The following CDK13 variants were observed in gnomAD, a reference collection of about 807,000 sequenced individuals.
The protein encoded by CDK13 is cyclin-dependent kinase 13.
CDK13 carries 40 observed loss-of-function variants against 137.6 expected under a neutral mutation model. That is an observed-to-expected ratio of 0.29 (90% CI 0.23 to 0.38). CDK13 has a LOEUF of 0.38. CDK13 is among the 10% of genes least tolerant of loss of function. The pLI is 1.00. For missense variants in CDK13, 1,704 were observed against 1,951.8 expected (o/e 0.87, Z 2.39); for synonymous variants, 869 against 760.1 (o/e 1.14, Z -2.36).
chr7:40,089,020 A>G (rs1008818733), intron 12 of CDK13, among the ~76,000 whole-genome samples: 15 of 151,828 alleles, frequency 9.9e-5, no homozygotes, highest in Non-Finnish European at 1.2e-4. Flanking sequence ...TGGAGGTTGC[A>G]GTGAGCCGAG....
At chr7:40,013,693 T>C (rs553354998) in intron 5 of CDK13, among the ~76,000 whole-genome samples, 18 of 152,292 alleles carry the variant, frequency 1.2e-4, no homozygotes, top group African/African-American at 4.1e-4. Flanking sequence ...ATTGTAGTGA[T>C]GATGGTTGCA....
chr7:40,017,006 A>G (rs1320654110), intron 5 of CDK13, among the ~76,000 whole-genome samples: 1 of 152,138 alleles, frequency 6.6e-6, no homozygotes, highest in Non-Finnish European at 1.5e-5. Flanking sequence ...ACGTTTTTTC[A>G]GTTTCCACAA....
rs60763897 is a variant in CDK13 at position 40,097,950 on chromosome 7, C to T, written c.*2970C>T. ...CTAGTCCTTGGGGTACATCAATAAC[C>T]GTCAACAGTGTTAAATCATACTTTC... On this transcript the variant is annotated 3_prime_UTR_variant, in exon 14 of 14. Transcript: ENST00000181839. 457 of 152,188 alleles carry T rather than the reference C, an allele frequency of 3.0e-3. 3 individuals carry two copies. Among genetic ancestry groups the T allele is most frequent in the African/African-American group, 0.01 (431 of 41,548 alleles). The allele number at this position is 152,188 out of a possible 1,614,324, so 9.4% of individuals were successfully genotyped here.
intron 1 of CDK13, among the ~76,000 whole-genome samples, chr7:39,961,699 A>G (rs1417023185): frequency 6.6e-6 from 1 of 151,352 alleles, no homozygotes; most frequent in Non-Finnish European, 1.5e-5. Context: ...GGTTAGTTAC[A>G]TATGTATACA....
Position 39,950,382 on chromosome 7 carries a change from A to G in CDK13, c.-260A>G. ...GGCGCATCTGGTGTTTTCGCTGCCG[A>G]GGATAGGACGACGAGCGCAATCGGG... On this transcript the variant is annotated 5_prime_UTR_variant, in exon 1 of 14. Transcript: ENST00000181839. 8.2e-7 allele frequency: 1 copy of G among 1,218,802 alleles called. No individual in the cohort carries two copies. Among genetic ancestry groups the G allele is most frequent in the Non-Finnish European group, 1.0e-6 (1 of 979,890 alleles). 75.5% of individuals were successfully genotyped at this position (1,218,802 alleles called of 1,614,324 possible). A position where few individuals can be genotyped will look rare whatever the true frequency, so the allele number is the denominator to read the frequency against.
intron 5 of CDK13, among the ~76,000 whole-genome samples, chr7:40,003,053 C>T (rs769202698): frequency 7.3e-5 from 11 of 151,574 alleles, no homozygotes; most frequent in Non-Finnish European, 1.0e-4. Flanking sequence ...ACTCCAACCT[C>T]GGTGACAGAG....
intron 2 of CDK13, among the ~76,000 whole-genome samples, chr7:39,990,945 G>T (rs1174170380): frequency 6.6e-6 from 1 of 152,166 alleles, no homozygotes; most frequent in Non-Finnish European, 1.5e-5. Flanking sequence ...TACAAAATAT[G>T]ATTTACATTG....
chr7:40,027,656 T>C (rs970087111), intron 5 of CDK13, among the ~76,000 whole-genome samples: 1 of 105,240 alleles, frequency 9.5e-6, no homozygotes, highest in African/African-American at 7.2e-5. Flanking sequence ...ACCCTTGGGC[T>C]TTTTTTTTTT....
At position 40,001,977 on chromosome 7, in the gene CDK13, A is replaced by G; in HGVS notation, c.2299A>G (p.Met767Val). 6.2e-7 allele frequency: 1 copy of G among 1,611,350 alleles called. No homozygotes were observed. The highest frequency in any genetic ancestry group is 8.5e-7 in the Non-Finnish European group (1 of 1,178,014). The change falls in exon 5 of 14, where the codon ATG (methionine) becomes GTG (valine). Residue 767 changes from methionine (M) to valine (V), a missense_variant. This residue lies in a region of CDK13 where 130 missense variants were observed against 362.4 expected (regional missense o/e 0.36). Transcript: ENST00000181839. ...GCTTACCCATCAGAGTATTATCAATATGAAGGAAATAGTGACTGATAAAGA... is the reference window on the plus strand; with the variant it reads ...GCTTACCCATCAGAGTATTATCAATGTGAAGGAAATAGTGACTGATAAAGA... ...RQLTHQSIIN[M>V]KEIVTDKEDA...
intron 1 of CDK13, among the ~76,000 whole-genome samples, chr7:39,968,482 T>TC (rs1213444432): frequency 6.6e-6 from 1 of 152,176 alleles, no homozygotes; most frequent in African/African-American, 2.4e-5. Flanking sequence ...CAAGCAGTCC[T>TC]CCCGCCTAGC....
At chr7:40,031,760 C>T (rs973640706) in intron 5 of CDK13, among the ~76,000 whole-genome samples, 3 of 151,492 alleles carry the variant, frequency 2.0e-5, no homozygotes, top group African/African-American at 7.3e-5. Flanking sequence ...ATCCTCCCGC[C>T]TCAGCCTCCT....
Position 39,950,474 on chromosome 7 carries a change from G to C in CDK13, c.-168G>C. On this transcript the variant is annotated 5_prime_UTR_variant, in exon 1 of 14. Transcript: ENST00000181839. The stretch of plus-strand genomic sequence containing the variant: ...CTGCTGCGTACCCCACTGTGACCTG[G>C]AACCCAGGGACCCGAGTCCCGACCC... The C allele has an allele frequency of 8.0e-7, 1 of 1,257,010 alleles. No homozygotes were observed. Among genetic ancestry groups the C allele is most frequent in the Non-Finnish European group, 1.0e-6 (1 of 1,002,056 alleles). 77.9% of individuals were successfully genotyped at this position (1,257,010 alleles called of 1,614,324 possible). A position where few individuals can be genotyped will look rare whatever the true frequency, so the allele number is the denominator to read the frequency against.
chr7:39,988,347 G>A (rs1050080106), intron 2 of CDK13, 89 bp downstream of exon 2: 4 of 931,004 alleles, frequency 4.3e-6, no homozygotes, highest in Admixed American at 5.6e-5. Context: ...TAACCCCCTC[G>A]AAACAACTTT....
At chr7:40,002,093 A>C (rs1193092237) in intron 5 of CDK13, 62 bp downstream of exon 5, 1 of 1,199,464 alleles carries the variant, frequency 8.3e-7, no homozygotes, top group Admixed American at 2.4e-5. Flanking sequence ...CTAACTTGGA[A>C]ATTTTTTTTA....
chr7:39,992,519 A>G (rs993064022), intron 2 of CDK13, among the ~76,000 whole-genome samples: 1 of 151,684 alleles, frequency 6.6e-6, no homozygotes, highest in African/African-American at 2.4e-5. Flanking sequence ...TTTTTACTAT[A>G]CTGTAAATAC....
At chr7:40,086,674 A>G (rs769624921) in intron 11 of CDK13, among the ~76,000 whole-genome samples, 3 of 152,170 alleles carry the variant, frequency 2.0e-5, no homozygotes, top group Admixed American at 6.5e-5. Flanking sequence ...GAGCCGCTCT[A>G]TGCCAGGATT....
chr7:40,083,900 TATA>T (rs1308715281), intron 11 of CDK13, among the ~76,000 whole-genome samples: 4 of 152,254 alleles, frequency 2.6e-5, no homozygotes, highest in African/African-American at 9.6e-5. Context: ...TGCAATATGA[TATA>T]ATGAGTAGTT....
chr7:40,032,535 T>A (rs1257697), intron 5 of CDK13, among the ~76,000 whole-genome samples: 151,366 of 152,370 alleles, frequency 0.99, 75,194 homozygotes, highest in South Asian at 1. Context: ...ACTCAAGTCT[T>A]TGATCCATTT....
At chr7:39,965,207 T>G (rs1352099209) in intron 1 of CDK13, among the ~76,000 whole-genome samples, 1 of 152,222 alleles carries the variant, frequency 6.6e-6, no homozygotes, top group Non-Finnish European at 1.5e-5. Flanking sequence ...TTGATCTGTC[T>G]AATGTTGACA....
Sources: allele counts gnomAD v4.1 joint callset (sites outside exome capture counted in the v4.1 genomes callset), GRCh38; gene constraint gnomAD v4.1.1; regional missense constraint gnomAD v4.1.1; transcripts MANE v1.5; gene names NCBI Gene and HGNC (gene_info 2026-07-23, HGNC 2026-07-21).